Variants in AMN1 observed in about 807,000 individuals in gnomAD.
The protein encoded by AMN1 is antagonist of mitotic exit network 1 homolog.
In AMN1, 20 loss-of-function variants were observed where a neutral mutation model predicts 33.0. The observed-to-expected ratio is 0.61, with a 90% CI of 0.43 to 0.88. The LOEUF (loss-of-function observed/expected upper bound fraction) is 0.88, where lower values mean the gene tolerates loss of function less well. Ranked by LOEUF, AMN1 falls within the 40% of genes least tolerant of loss-of-function variation. The pLI, the probability that AMN1 is intolerant of heterozygous loss-of-function variation, is 0.00. For synonymous variants in AMN1, 114 were observed against 111.9 expected, an observed-to-expected ratio of 1.02 and a Z score of -0.12; for missense variants, 246 against 307.4, an observed-to-expected ratio of 0.80 and a Z score of 1.49.
At chr12:31,695,335 A>G (rs1437088210) in intron 5 of AMN1, among the ~76,000 whole-genome samples, 1 of 152,214 alleles carries the variant, frequency 6.6e-6, no homozygotes, top group African/African-American at 2.4e-5. Flanking sequence ...CCTAGTGAAT[A>G]TAAGGCAGTT....
At chr12:31,705,219 T>C (rs370070300) in intron 2 of AMN1, among the ~76,000 whole-genome samples, 1 of 152,170 alleles carries the variant, frequency 6.6e-6, no homozygotes, top group Non-Finnish European at 1.5e-5. Context: ...GCATGTAGGC[T>C]GGGCACTGTG....
intron 1 of AMN1, among the ~76,000 whole-genome samples, chr12:31,723,140 AGAGT>A (rs1319008183): frequency 6.6e-6 from 1 of 152,104 alleles, no homozygotes; most frequent in Non-Finnish European, 1.5e-5. Context: ...CCTGGGCAAC[AGAGT>A]GAGACCTCGT....
At chr12:31,726,959 C>G (rs1180482523) in intron 1 of AMN1, among the ~76,000 whole-genome samples, 2 of 151,384 alleles carry the variant, frequency 1.3e-5, no homozygotes, top group East Asian at 3.9e-4. Context: ...CTACTCTTTG[C>G]TTTTCTTTCA....
At chr12:31,680,122 CA>C (rs199557679) in intron 6 of AMN1, among the ~76,000 whole-genome samples, 310 of 118,898 alleles carry the variant, frequency 2.6e-3, no homozygotes, top group Middle Eastern at 4.5e-3. Context: ...AACTCCATCT[CA>C]AAAAAAAAAA....
chr12:31,705,742 GCCTTTCTTTA>G (rs1483394672), intron 2 of AMN1, among the ~76,000 whole-genome samples: 2 of 152,150 alleles, frequency 1.3e-5, no homozygotes, highest in Admixed American at 1.3e-4. Flanking sequence ...CTATAGGTCT[GCCTTTCTTTA>G]TGGCCCAGAA....
At chr12:31,721,343 C>T (rs1344082897) in intron 1 of AMN1, among the ~76,000 whole-genome samples, 1 of 152,116 alleles carries the variant, frequency 6.6e-6, no homozygotes, top group Non-Finnish European at 1.5e-5. Flanking sequence ...ACTGGGGTGG[C>T]ATCAATACAG....
chr12:31,701,682 G>C (rs1939007776), intron 3 of AMN1, among the ~76,000 whole-genome samples, 181 bp downstream of exon 3: 1 of 152,156 alleles, frequency 6.6e-6, no homozygotes, highest in Non-Finnish European at 1.5e-5. Context: ...TTTGAGCACT[G>C]ATTATAAGCA....
intron 5 of AMN1, among the ~76,000 whole-genome samples, chr12:31,692,435 A>G (rs1361632478): frequency 6.8e-6 from 1 of 147,958 alleles, no homozygotes; most frequent in East Asian, 2.0e-4. Flanking sequence ...CTGAGTGACA[A>G]AGTGAGACTC....
In AMN1 at chr12:31,689,005, A is replaced by G; in HGVS notation, c.703+2T>C. 1 of 1,601,956 alleles carries G rather than the reference A, an allele frequency of 6.2e-7. No homozygotes were observed. Among genetic ancestry groups the G allele is most frequent in the Non-Finnish European group, 8.5e-7 (1 of 1,170,020 alleles). Reference sequence around the variant, plus strand: ...TGAACCCAAGCAATCTATTGCACTAACCTGTTATCAAGGGGCATCCATGGA... The same window carrying G: ...TGAACCCAAGCAATCTATTGCACTAGCCTGTTATCAAGGGGCATCCATGGA... On this transcript the variant is annotated splice_donor_variant, in intron 6 of 6. Coordinates refer to ENST00000281471, the MANE Select transcript of AMN1 (RefSeq NM_001113402.2). LOFTEE classifies it high-confidence loss of function.
chr12:31,729,158 A>C, upstream of AMN1: 4 of 836,918 alleles, frequency 4.8e-6, no homozygotes, highest in South Asian at 7.6e-5. Flanking sequence ...CACGCTTCGG[A>C]CTCCACAAGG....
intron 2 of AMN1, among the ~76,000 whole-genome samples, chr12:31,708,082 A>G (rs1244895980): frequency 6.6e-6 from 1 of 152,218 alleles, no homozygotes; most frequent in African/African-American, 2.4e-5. Flanking sequence ...CTTGAAAAAG[A>G]ACAGAATAAC....
At chr12:31,675,259 G>C (rs1244162915) in intron 6 of AMN1, among the ~76,000 whole-genome samples, 2 of 151,412 alleles carry the variant, frequency 1.3e-5, no homozygotes, top group African/African-American at 4.9e-5. Context: ...CTCTGCGAAA[G>C]AAATTTAAAA....
At chr12:31,710,058 C>A (rs1939407285) in intron 1 of AMN1, among the ~76,000 whole-genome samples, 1 of 152,128 alleles carries the variant, frequency 6.6e-6, no homozygotes. Context: ...TTGGGACCCA[C>A]TAATTGAAAA....
At chr12:31,711,458 C>T (rs1939463390) in intron 1 of AMN1, among the ~76,000 whole-genome samples, 1 of 152,000 alleles carries the variant, frequency 6.6e-6, no homozygotes, top group Non-Finnish European at 1.5e-5. Context: ...TGATGTCTCA[C>T]TATTACTTTA....
intron 6 of AMN1, among the ~76,000 whole-genome samples, chr12:31,673,336 A>T (rs893378352): frequency 1.3e-5 from 2 of 152,136 alleles, no homozygotes; most frequent in Non-Finnish European, 2.9e-5. Flanking sequence ...CAAAAATACC[A>T]AGGTTTATTG....
At position 31,727,006 on chromosome 12, in the gene AMN1, G is replaced by T. The variant is rs148614283; in HGVS notation, c.38+1965C>A. Among the ~76,000 whole-genome samples, 1,023 of 152,066 alleles carry T rather than the reference G, an allele frequency of 6.7e-3. 13 individuals are homozygous for T. Among genetic ancestry groups the T allele is most frequent in the African/African-American group, 0.023 (958 of 41,470 alleles). ...ATTTATTTATTTATTTTGAGACCAGGTTATGAGATTGGCTAACTTTTTATT... is the reference window on the plus strand; with the variant it reads ...ATTTATTTATTTATTTTGAGACCAGTTTATGAGATTGGCTAACTTTTTATT... On this transcript the variant is annotated intron_variant, in intron 1 of 6. Coordinates refer to ENST00000281471, the MANE Select transcript of AMN1 (RefSeq NM_001113402.2).
intron 5 of AMN1, among the ~76,000 whole-genome samples, chr12:31,692,284 C>T (rs1359894194): frequency 6.6e-6 from 1 of 151,574 alleles, no homozygotes; most frequent in East Asian, 2.0e-4. Context: ...TAGTGAAACC[C>T]TGTCTCTACT....
intron 6 of AMN1, chr12:31,673,731 C>T (rs1951329670): frequency 5.6e-6 from 2 of 354,466 alleles, no homozygotes; most frequent in Non-Finnish European, 1.1e-5. Flanking sequence ...CTCAACAAAA[C>T]ACCAGCACAC....
At chr12:31,720,709 C>T (rs1231959968) in intron 1 of AMN1, among the ~76,000 whole-genome samples, 1 of 152,136 alleles carries the variant, frequency 6.6e-6, no homozygotes, top group Non-Finnish European at 1.5e-5. Context: ...ATCATGTTTT[C>T]AAGGTTTATC....
Sources: allele counts gnomAD v4.1 joint callset (sites outside exome capture counted in the v4.1 genomes callset), GRCh38; gene constraint gnomAD v4.1.1; transcripts MANE v1.5; gene names NCBI Gene and HGNC (gene_info 2026-07-23, HGNC 2026-07-21).